Variants in SH3D19 observed in about 807,000 individuals in gnomAD.
The protein encoded by SH3D19 is SH3 domain-containing protein 19.
SH3D19 carries 58 observed loss-of-function variants against 112.1 expected under a neutral mutation model. The observed-to-expected ratio is 0.52, with a 90% confidence interval of 0.42 to 0.64. The LOEUF is 0.64. Among genes scored for constraint, SH3D19 ranks in the 30% least tolerant of loss-of-function variants. SH3D19 has a pLI of 0.00. For missense variants in SH3D19, 1,090 were observed against 1,263.4 expected, an observed-to-expected ratio of 0.86 and a Z score of 2.08; for synonymous variants, 391 against 448.5, an observed-to-expected ratio of 0.87 and a Z score of 1.62.
intron 1 of SH3D19, among the ~76,000 whole-genome samples, chr4:151,286,982 A>AAATAATAATAATAATAATAAT (rs113584974): frequency 7.1e-6 from 1 of 141,834 alleles, no homozygotes; most frequent in African/African-American, 2.6e-5. Flanking sequence ...TCTGTCTCAA[A>AAATAATAATAATAATAATAAT]AATAATAATA....
chr4:151,154,107 G>A (rs1006344355), intron 9 of SH3D19, among the ~76,000 whole-genome samples: 6 of 147,796 alleles, frequency 4.1e-5, no homozygotes, highest in African/African-American at 7.5e-5. Flanking sequence ...GATTATAGGC[G>A]CATGACACCA....
chr4:151,292,972 T>G (rs1775448407), intron 1 of SH3D19, among the ~76,000 whole-genome samples: 1 of 151,254 alleles, frequency 6.6e-6, no homozygotes, highest in South Asian at 2.1e-4. Flanking sequence ...ATACAAAAAT[T>G]AGCCAGGCAT....
intron 3 of SH3D19, among the ~76,000 whole-genome samples, chr4:151,186,820 A>C (rs902264819): frequency 8.4e-6 from 1 of 118,584 alleles, no homozygotes; most frequent in Non-Finnish European, 1.7e-5. Context: ...TTTGAGATGG[A>C]GTCTCGCTCT....
chr4:151,175,252 TA>T lies in SH3D19; in HGVS notation c.951del (p.Thr318LeufsTer18). On this transcript the variant is annotated frameshift_variant, in exon 7 of 20. Transcript: ENST00000604030. LOFTEE classifies it high-confidence loss of function. ...GGCTTTGGAGGAAGTGAACGTGGAG[TA>T]ATTTCTGGTTTCTTGGGCAGTCCTG... ...ETSGLPKKPEITPRSLPPKPT... is the reference protein window; with the variant it reads ...ETSGLPKKPEXTPRSLPPKPT... 1 of 1,614,086 alleles carries T rather than the reference TA, an allele frequency of 6.2e-7. No individual in the cohort carries two copies. Among genetic ancestry groups the T allele is most frequent in the Non-Finnish European group, 8.5e-7 (1 of 1,180,012 alleles).
At chr4:151,265,569 C>CTTT (rs763878307) in intron 1 of SH3D19, among the ~76,000 whole-genome samples, 60 of 126,114 alleles carry the variant, frequency 4.8e-4, no homozygotes, top group African/African-American at 6.9e-4. Flanking sequence ...TATTTCTTTT[C>CTTT]TTTTTTTTTT....
chr4:151,146,625 C>T (rs888910521), intron 11 of SH3D19, among the ~76,000 whole-genome samples: 4 of 152,142 alleles, frequency 2.6e-5, no homozygotes, highest in East Asian at 3.9e-4. Flanking sequence ...CTCTGCCTCC[C>T]GGGTTCAAGC....
intron 1 of SH3D19, among the ~76,000 whole-genome samples, chr4:151,233,056 A>G (rs1769738154): frequency 6.6e-6 from 1 of 152,006 alleles, no homozygotes; most frequent in African/African-American, 2.4e-5. Context: ...TTAGATCCTC[A>G]TAGGAGCTTG....
chr4:151,200,353 C>G (rs968451799), intron 2 of SH3D19, among the ~76,000 whole-genome samples: 1 of 152,134 alleles, frequency 6.6e-6, no homozygotes, highest in African/African-American at 2.4e-5. Context: ...CTCATGTGAG[C>G]TGACAATTGA....
chr4:151,177,701 A>C (rs72965685), intron 4 of SH3D19, among the ~76,000 whole-genome samples: 9,984 of 152,284 alleles, frequency 0.066, 1,020 homozygotes, highest in African/African-American at 0.22. Flanking sequence ...TTACCATTTA[A>C]AAAGAATATC....
intron 1 of SH3D19, among the ~76,000 whole-genome samples, chr4:151,238,226 A>G (rs1181129412): frequency 6.6e-6 from 1 of 152,166 alleles, no homozygotes; most frequent in Non-Finnish European, 1.5e-5. Context: ...TCTGAGTAGG[A>G]TGAAAGAGTG....
chr4:151,128,254 C>A lies in SH3D19; in HGVS notation c.2845G>T (p.Glu949Ter), dbSNP rs1749861125. ...FKRGDRIQIL[E>*]RLDSDWCRGR... Reference sequence around the variant, plus strand: ...CTGCACCAGTCAGAATCCAGACGTTCCAGAATCTGGATCCGGTCTCCCCTC... The same window carrying A: ...CTGCACCAGTCAGAATCCAGACGTTACAGAATCTGGATCCGGTCTCCCCTC... The change falls in exon 18 of 20, where the codon GAA (glutamate) becomes TAA (stop). Residue 949 changes from glutamate to a stop codon, truncating the protein, a stop_gained. Transcript: ENST00000604030. LOFTEE classifies it high-confidence loss of function. The A allele has an allele frequency of 3.1e-6, 5 of 1,613,978 alleles. No individual in the cohort carries two copies. The highest frequency in any genetic ancestry group is 1.3e-5 in the African/African-American group (1 of 74,924).
At chr4:151,193,683 C>T (rs1404150192) in intron 2 of SH3D19, among the ~76,000 whole-genome samples, 1 of 152,270 alleles carries the variant, frequency 6.6e-6, no homozygotes, top group Admixed American at 6.5e-5. Context: ...GGAACAGATA[C>T]AACTTGGTTT....
At chr4:151,169,414 G>A (rs1156667312) in intron 7 of SH3D19, among the ~76,000 whole-genome samples, 8 of 152,136 alleles carry the variant, frequency 5.3e-5, no homozygotes, top group Non-Finnish European at 1.0e-4. Flanking sequence ...GAGTCAGTGA[G>A]CTCTGCATCT....
At chr4:151,192,863 A>G (rs181432983) in intron 2 of SH3D19, among the ~76,000 whole-genome samples, 19 of 152,334 alleles carry the variant, frequency 1.2e-4, no homozygotes, top group African/African-American at 4.1e-4. Context: ...ATCCCACAAA[A>G]AAGTTCAAAG....
intron 7 of SH3D19, among the ~76,000 whole-genome samples, chr4:151,171,108 A>T (rs755098925): frequency 6.6e-6 from 1 of 152,202 alleles, no homozygotes; most frequent in Non-Finnish European, 1.5e-5. Context: ...ATTTATTTCC[A>T]ATATTCTGTA....
At chr4:151,258,582 C>G (rs543510471) in intron 1 of SH3D19, among the ~76,000 whole-genome samples, 9 of 152,336 alleles carry the variant, frequency 5.9e-5, no homozygotes, top group Admixed American at 5.9e-4. Context: ...TCCAACCTTC[C>G]CTTTTTCTTA....
In SH3D19 at chr4:151,298,683, C is replaced by T. The variant is rs372171363; in HGVS notation, c.112+26558G>A. On this transcript the variant is annotated intron_variant, in intron 1 of 19. Coordinates refer to ENST00000604030, the MANE Select transcript of SH3D19 (RefSeq NM_001378122.1). ...ATCATGGACCCTCTTCTCCACATCA[C>T]CTTTAACACTGCATCCAAGAAAGCA... Among the ~76,000 whole-genome samples the T allele has an allele frequency of 7.5e-3, 1,135 of 152,268 alleles. 118 individuals are homozygous for T. The South Asian group carries it at 0.22, about 29-fold the overall frequency.
At chr4:151,206,398 A>C (rs562330633) in intron 2 of SH3D19, among the ~76,000 whole-genome samples, 2 of 152,286 alleles carry the variant, frequency 1.3e-5, no homozygotes, top group East Asian at 3.9e-4. Flanking sequence ...ACTGGCATAG[A>C]TCTGATGTCA....
chr4:151,132,282 C>A, intron 17 of SH3D19, 49 bp downstream of exon 17: 1 of 1,450,168 alleles, frequency 6.9e-7, no homozygotes. Context: ...ATATTCCTCC[C>A]AGAGTCTGAA....
Sources: gnomAD v4.1 joint callset for allele counts (sites outside exome capture counted in the v4.1 genomes callset) on GRCh38, gnomAD v4.1.1 for gene constraint, MANE v1.5 for transcripts, NCBI Gene and HGNC (gene_info 2026-07-23, HGNC 2026-07-21) for gene names.